Variants in FAAH2 observed in about 807,000 individuals in gnomAD.
FAAH2 encodes the protein fatty acid amide hydrolase 2, also known as fatty-acid amide hydrolase 2.
FAAH2 carries 60 observed loss-of-function variants against 36.9 expected under a neutral mutation model. The observed-to-expected ratio is 1.63, with a 90% CI of 1.32 to 2.02. FAAH2 has a LOEUF of 2.02. Among genes scored for constraint, FAAH2 ranks in the 30% most tolerant of loss-of-function variants. FAAH2 has a pLI of 0.00. For missense variants in FAAH2, 689 were observed against 397.5 expected, an observed-to-expected ratio of 1.73 and a Z score of -6.23; for synonymous variants, 214 against 143.8, an observed-to-expected ratio of 1.49 and a Z score of -3.49.
chrX:57,178,485 T>A, the FAAH2 span, among the ~76,000 whole-genome samples: 2 of 110,988 alleles, frequency 1.8e-5, no homozygotes, highest in Non-Finnish European at 3.8e-5. Flanking sequence ...CTCTGGTGTC[T>A]TAGGAGGTGG....
At chrX:57,295,416 A>G (rs776299088) in intron 2 of FAAH2, among the ~76,000 whole-genome samples, 2 of 112,246 alleles carry the variant, frequency 1.8e-5, no homozygotes, top group Non-Finnish European at 3.8e-5. Context: ...AAGAGGGCAC[A>G]AATTATCAAA....
chrX:57,136,959 C>G, the FAAH2 span: 2 of 874,426 alleles, frequency 2.3e-6, no homozygotes, highest in Non-Finnish European at 2.9e-6. Flanking sequence ...TACCCTCCTG[C>G]CCTGAGTGCC....
At chrX:57,444,332 C>T (rs2056627802) in intron 8 of FAAH2, among the ~76,000 whole-genome samples, 1 of 112,133 alleles carries the variant, frequency 8.9e-6, no homozygotes, top group Non-Finnish European at 1.9e-5. Flanking sequence ...CCCAGCCTCG[C>T]TGCCACCTTG....
intron 4 of FAAH2, among the ~76,000 whole-genome samples, chrX:57,334,268 T>TCTCACACACACA (rs753282666): frequency 1.2e-5 from 1 of 85,710 alleles, no homozygotes; most frequent in South Asian, 7.1e-4. Flanking sequence ...AGATTCCGTC[T>TCTCACACACACA]CACACACACA....
intron 5 of FAAH2, among the ~76,000 whole-genome samples, chrX:57,375,064 T>C (rs2054637850): frequency 9.0e-6 from 1 of 111,196 alleles, no homozygotes; most frequent in African/African-American, 3.3e-5. Flanking sequence ...CATCCTGGTA[T>C]GAAACTCACT....
chrX:57,465,205 T>C (rs1002300324), intron 10 of FAAH2, among the ~76,000 whole-genome samples: 3 of 111,453 alleles, frequency 2.7e-5, no homozygotes, highest in Non-Finnish European at 5.7e-5. Context: ...TTTAATCTAA[T>C]GAACAGAGAG....
intron 9 of FAAH2, 86 bp downstream of exon 9, chrX:57,447,125 C>T: frequency 6.4e-6 from 4 of 625,286 alleles, no homozygotes; most frequent in Admixed American, 4.1e-5. Context: ...CTAAAGGCCC[C>T]ATGCAAGTCC....
the FAAH2 span, among the ~76,000 whole-genome samples, chrX:57,216,509 TATATATATAC>T: frequency 0.05 from 4,387 of 87,337 alleles, 556 homozygotes; most frequent in African/African-American, 0.2. Context: ...TATGTATATA[TATATATATAC>T]GTATATGTAT....
chrX:57,150,287 A>C, the FAAH2 span, among the ~76,000 whole-genome samples: 12 of 111,859 alleles, frequency 1.1e-4, no homozygotes, highest in African/African-American at 3.9e-4. Flanking sequence ...CACTTGGTGC[A>C]CAGCTGAGTT....
chrX:57,417,278 A>C (rs2055869515), intron 7 of FAAH2, among the ~76,000 whole-genome samples: 1 of 111,584 alleles, frequency 9.0e-6, no homozygotes, highest in Non-Finnish European at 1.9e-5. Flanking sequence ...GCTGGTGAGG[A>C]GTTGTAATCT....
chrX:57,436,255 TA>T (rs2056408046), intron 8 of FAAH2, among the ~76,000 whole-genome samples: 2 of 110,177 alleles, frequency 1.8e-5, no homozygotes, highest in African/African-American at 3.3e-5. Flanking sequence ...ATGCCTATAC[TA>T]AAAAAGTAGG....
chrX:57,388,481 A>C (rs755544395), intron 7 of FAAH2, among the ~76,000 whole-genome samples: 47 of 111,419 alleles, frequency 4.2e-4, no homozygotes, highest in Admixed American at 4.1e-3. Flanking sequence ...TTTTATTAGC[A>C]GATTTTATTT....
chrX:57,475,883 T>C (rs1292225529), intron 10 of FAAH2, among the ~76,000 whole-genome samples: 1 of 111,661 alleles, frequency 9.0e-6, no homozygotes, highest in Admixed American at 9.6e-5. Flanking sequence ...CAGTGTTTTG[T>C]AGTTCTCCTT....
chrX:57,368,153 C>A (rs952938029), intron 5 of FAAH2, among the ~76,000 whole-genome samples: 3 of 110,852 alleles, frequency 2.7e-5, no homozygotes, highest in African/African-American at 9.9e-5. Context: ...ATACCCCAAC[C>A]CTGGTTACTC....
rs183494646 is a variant in FAAH2 at position 57,446,013 on chromosome X, T to C, written c.1117-915T>C. On this transcript the variant is annotated intron_variant, in intron 8 of 10. Transcript: ENST00000374900. The stretch of plus-strand genomic sequence containing the variant: ...GAGTTCCTCCCACTGGAGCTGAGAA[T>C]TTCCCTCATTCAGAACTGCTCTAAA... Among the ~76,000 whole-genome samples, 75 of 112,593 alleles carry C rather than the reference T, an allele frequency of 6.7e-4. No homozygotes were observed. The East Asian group carries it at 0.013, about 19-fold the overall frequency.
intron 7 of FAAH2, among the ~76,000 whole-genome samples, chrX:57,406,703 G>A (rs753092124): frequency 8.9e-6 from 1 of 112,822 alleles, no homozygotes; most frequent in South Asian, 3.6e-4. Context: ...TTGGGCAGAC[G>A]TCTTCCTGCA....
chrX:57,123,869 ATTTG>A, the FAAH2 span, among the ~76,000 whole-genome samples: 2 of 111,532 alleles, frequency 1.8e-5, no homozygotes, highest in Non-Finnish European at 3.8e-5. Flanking sequence ...TTTCTTGTAA[ATTTG>A]TTTGAGTTCA....
the FAAH2 span, among the ~76,000 whole-genome samples, chrX:57,230,763 T>A: frequency 1.8e-5 from 2 of 111,496 alleles, no homozygotes; most frequent in African/African-American, 6.5e-5. Context: ...CCTGAATAAT[T>A]CAAATTCTCT....
intron 7 of FAAH2, among the ~76,000 whole-genome samples, chrX:57,404,515 G>T (rs185467363): frequency 1.8e-5 from 2 of 111,670 alleles, no homozygotes; most frequent in South Asian, 3.7e-4. Context: ...GCCCTGACAA[G>T]GGTGGTAGGG....
Sources: gnomAD v4.1 joint callset for allele counts (sites outside exome capture counted in the v4.1 genomes callset) on GRCh38, gnomAD v4.1.1 for gene constraint, MANE v1.5 for transcripts, NCBI Gene and HGNC (gene_info 2026-07-23, HGNC 2026-07-21) for gene names.